The following ADAMTS17 variants were observed in gnomAD, a reference collection of about 807,000 sequenced individuals.
The protein encoded by ADAMTS17 is ADAM metallopeptidase with thrombospondin type 1 motif 17.
ADAMTS17 carries 113 observed loss-of-function variants against 141.5 expected under a neutral mutation model. The observed-to-expected ratio is 0.80, with a 90% CI of 0.69 to 0.93. The LOEUF is 0.93. Among genes scored for constraint, ADAMTS17 ranks in the 40% least tolerant of loss-of-function variants. The probability of loss-of-function intolerance (pLI) is 0.00; values close to 1 mark genes in which losing one functional copy is unlikely to be tolerated. For synonymous variants in ADAMTS17, 768 were observed against 630.6 expected (o/e 1.22, Z -3.27); for missense variants, 1,659 against 1,517.9 (o/e 1.09, Z -1.54).
At chr15:100,300,948 T>C (rs1013421725) in intron 3 of ADAMTS17, among the ~76,000 whole-genome samples, 1 of 152,196 alleles carries the variant, frequency 6.6e-6, no homozygotes, top group African/African-American at 2.4e-5. Flanking sequence ...TTGTCATCAT[T>C]TAATTGTTCT....
chr15:99,973,842 A>AGTCT lies in ADAMTS17; in HGVS notation c.*559_*560insAGAC. On this transcript the variant is annotated 3_prime_UTR_variant, in exon 22 of 22. Transcript: ENST00000268070. Reference sequence around the variant, plus strand: ...GGATTTAGAGACTATGTTCTCAGAGACGGGCATGGAGGCAACGTCCTGGTT... The same window carrying AGTCT: ...GGATTTAGAGACTATGTTCTCAGAGAGTCTCGGGCATGGAGGCAACGTCCTGGTT... 2 of 187,014 alleles carry AGTCT rather than the reference A, an allele frequency of 1.1e-5. No individual in the cohort carries two copies. The highest frequency in any genetic ancestry group is 2.3e-5 in the Non-Finnish European group (2 of 88,822). The allele number at this position is 187,014 out of a possible 1,614,324, so 11.6% of individuals were successfully genotyped here. A position where few individuals can be genotyped will look rare whatever the true frequency, so the allele number is the denominator to read the frequency against.
intron 2 of ADAMTS17, among the ~76,000 whole-genome samples, chr15:100,337,228 G>A (rs1231326593): frequency 1.3e-5 from 2 of 152,226 alleles, no homozygotes; most frequent in African/African-American, 4.8e-5. Context: ...TTAGAGGTAT[G>A]CATTCTCTAA....
At chr15:100,022,299 C>A (rs768143573) in intron 18 of ADAMTS17, among the ~76,000 whole-genome samples, 10 of 152,158 alleles carry the variant, frequency 6.6e-5, no homozygotes, top group Non-Finnish European at 1.3e-4. Context: ...TTAGCCACAG[C>A]CCCCACCTCC....
At chr15:100,327,239 T>C (rs1009115928) in intron 3 of ADAMTS17, among the ~76,000 whole-genome samples, 5 of 152,238 alleles carry the variant, frequency 3.3e-5, no homozygotes, top group African/African-American at 9.6e-5. Context: ...TTGCATAAAT[T>C]AGCAATGCGC....
intron 7 of ADAMTS17, among the ~76,000 whole-genome samples, chr15:100,238,452 C>T (rs2042726729): frequency 6.6e-6 from 1 of 152,226 alleles, no homozygotes; most frequent in Non-Finnish European, 1.5e-5. Context: ...ACACAGTAGG[C>T]ACTCAATAGA....
At chr15:100,269,368 G>A (rs911301453) in intron 4 of ADAMTS17, among the ~76,000 whole-genome samples, 4 of 152,240 alleles carry the variant, frequency 2.6e-5, no homozygotes, top group African/African-American at 9.6e-5. Flanking sequence ...TGGGTCATAT[G>A]TCATATGAAT....
chr15:100,206,154 G>A (rs914575284), intron 7 of ADAMTS17, among the ~76,000 whole-genome samples: 1 of 152,182 alleles, frequency 6.6e-6, no homozygotes, highest in African/African-American at 2.4e-5. Context: ...GAGTGCCTTG[G>A]AGTTCCCTTT....
chr15:100,206,708 C>A (rs1269838236), intron 7 of ADAMTS17, among the ~76,000 whole-genome samples: 2 of 152,090 alleles, frequency 1.3e-5, no homozygotes, highest in African/African-American at 4.8e-5. Flanking sequence ...GGGAACGGGA[C>A]AACTAAGTCT....
At chr15:100,258,549 A>G (rs114456142) in intron 6 of ADAMTS17, among the ~76,000 whole-genome samples, 3,876 of 152,290 alleles carry the variant, frequency 0.025, 135 homozygotes, top group African/African-American at 0.079. Context: ...ACATGGCAGC[A>G]GGCAGGGGAA....
At position 100,132,005 on chromosome 15, in the gene ADAMTS17, A is replaced by C; in HGVS notation, c.1721+2T>G. On this transcript the variant is annotated splice_donor_variant, in intron 12 of 21. Coordinates refer to ENST00000268070, the MANE Select transcript of ADAMTS17 (RefSeq NM_139057.4). LOFTEE classifies it high-confidence loss of function. ...TGGGGTATGGCTGGTCAGGGGACTT[A>C]CGGGGGGTTGTCACATTTCCTCTGC... The C allele has an allele frequency of 6.2e-7, 1 of 1,614,112 alleles. No individual in the cohort carries two copies. The highest frequency in any genetic ancestry group is 8.5e-7 in the Non-Finnish European group (1 of 1,180,028).
At position 100,341,419 on chromosome 15, in the gene ADAMTS17, G is replaced by C. The variant is rs886050983; in HGVS notation, c.80-10C>G. ...GCCGCGTCGCCGACAGCTGCGGGGA[G>C]AGAGGAGACGCGTCAGCGCGGCGGG... On this transcript the variant is annotated splice_polypyrimidine_tract_variant and intron_variant, in intron 1 of 21. Coordinates refer to ENST00000268070, the MANE Select transcript of ADAMTS17 (RefSeq NM_139057.4). 8.8e-5 allele frequency: 89 copies of C among 1,015,476 alleles called. 1 individual carries two copies. The highest frequency in any genetic ancestry group is 2.2e-5 in the Non-Finnish European group (19 of 851,384). 62.9% of individuals were successfully genotyped at this position (1,015,476 alleles called of 1,614,324 possible).
intron 18 of ADAMTS17, among the ~76,000 whole-genome samples, chr15:100,032,607 C>T (rs114414321): frequency 0.016 from 2,485 of 152,234 alleles, 65 homozygotes; most frequent in African/African-American, 0.054. Context: ...TCTCTTGCCC[C>T]GCTTTTGGAT....
At chr15:100,146,292 A>G (rs2038899782) in intron 10 of ADAMTS17, among the ~76,000 whole-genome samples, 1 of 152,246 alleles carries the variant, frequency 6.6e-6, no homozygotes, top group Non-Finnish European at 1.5e-5. Flanking sequence ...GCCATGGCAG[A>G]AGAACGTGGA....
chr15:100,106,221 G>C lies in ADAMTS17; in HGVS notation c.2016+2768C>G, dbSNP rs533771517. ...TGGCAGCAGTCTACAGCATGAAAGT[G>C]GGCCTTCACCAGAACCCATCTATGC... On this transcript the variant is annotated intron_variant, in intron 14 of 21. Transcript: ENST00000268070. Among the ~76,000 whole-genome samples the C allele has an allele frequency of 4.6e-5, 7 of 152,272 alleles. No homozygotes were observed. In the South Asian group the frequency reaches 1.2e-3, roughly 27 times the overall value.
chr15:100,060,592 G>A (rs78603133), intron 15 of ADAMTS17, among the ~76,000 whole-genome samples: 9 of 152,304 alleles, frequency 5.9e-5, no homozygotes, highest in Middle Eastern at 3.4e-3. Context: ...ACAGAAGCCC[G>A]AGTGGGGTTC....
chr15:100,277,164 T>C (rs762113297), intron 4 of ADAMTS17, among the ~76,000 whole-genome samples: 17 of 152,108 alleles, frequency 1.1e-4, no homozygotes, highest in South Asian at 2.1e-4. Context: ...TCACCCTTAT[T>C]AGGCAGGCCT....
intron 3 of ADAMTS17, among the ~76,000 whole-genome samples, chr15:100,298,869 C>G (rs1042554635): frequency 6.6e-6 from 1 of 152,176 alleles, no homozygotes; most frequent in Non-Finnish European, 1.5e-5. Flanking sequence ...AAGAAATTTA[C>G]TTCTCACAGT....
chr15:100,126,500 T>A (rs1181686228), intron 12 of ADAMTS17: 1 of 152,240 alleles, frequency 6.6e-6, no homozygotes, highest in African/African-American at 2.4e-5. Context: ...CAGACTGAGA[T>A]GCCACCTTGC....
chr15:100,306,025 T>G (rs76154157), intron 3 of ADAMTS17: 9,486 of 158,362 alleles, frequency 0.06, 632 homozygotes, highest in East Asian at 0.23. Flanking sequence ...ATGCCCACAG[T>G]TGATGCACAC....
Sources: allele counts gnomAD v4.1 joint callset (sites outside exome capture counted in the v4.1 genomes callset), GRCh38; gene constraint gnomAD v4.1.1; transcripts MANE v1.5; gene names NCBI Gene and HGNC (gene_info 2026-07-23, HGNC 2026-07-21).